Variants in ACSM1 observed in about 807,000 individuals in gnomAD.
ACSM1 encodes the protein acyl-CoA synthetase medium chain family member 1.
ACSM1 carries 79 observed loss-of-function variants against 75.8 expected under a neutral mutation model. That is an observed-to-expected ratio of 1.04 (90% CI 0.87 to 1.26). The LOEUF (loss-of-function observed/expected upper bound fraction) is 1.26, where lower values mean the gene tolerates loss of function less well. Ranked by LOEUF, ACSM1 falls within the 50% of genes most tolerant of loss-of-function variation. The probability of loss-of-function intolerance (pLI) is 0.00; values close to 1 mark genes in which losing one functional copy is unlikely to be tolerated. For synonymous variants in ACSM1, 279 were observed against 265.8 expected (o/e 1.05, Z -0.48); for missense variants, 676 against 720.1 (o/e 0.94, Z 0.70).
chr16:20,697,560 CA>C (rs2079696458), intron 1 of ACSM1, 75 bp downstream of exon 1: 3 of 9,920 alleles, frequency 3.0e-4, no homozygotes, highest in Non-Finnish European at 1.9e-3. Flanking sequence ...TTGGATTACA[CA>C]CACACACACA....
At chr16:20,692,704 CA>C in intron 1 of ACSM1, among the ~76,000 whole-genome samples, 1 of 152,218 alleles carries the variant, frequency 6.6e-6, no homozygotes, top group Admixed American at 6.5e-5. Flanking sequence ...CAAGGTATGG[CA>C]AGGAAATATA....
intron 3 of ACSM1, among the ~76,000 whole-genome samples, chr16:20,683,230 G>A (rs976849718): frequency 3.3e-5 from 5 of 151,882 alleles, no homozygotes; most frequent in Non-Finnish European, 7.4e-5. Context: ...CAATTGTCCT[G>A]TCTCAGCCTC....
At chr16:20,630,231 G>A (rs970942371) in intron 10 of ACSM1, among the ~76,000 whole-genome samples, 18 of 151,342 alleles carry the variant, frequency 1.2e-4, no homozygotes, top group African/African-American at 4.1e-4. Context: ...GATTACAGGC[G>A]CATACCACCG....
At chr16:20,688,162 T>A (rs2079587847) in intron 2 of ACSM1, among the ~76,000 whole-genome samples, 1 of 151,494 alleles carries the variant, frequency 6.6e-6, no homozygotes, top group African/African-American at 2.4e-5. Context: ...GTAACTAAAT[T>A]GAAAATTCAC....
chr16:20,645,693 A>G (rs1241426151), intron 7 of ACSM1, among the ~76,000 whole-genome samples: 1 of 152,218 alleles, frequency 6.6e-6, no homozygotes, highest in African/African-American at 2.4e-5. Flanking sequence ...AAAGAGAACA[A>G]TTCCCCACAG....
At chr16:20,642,944 C>T (rs1343114574) in intron 7 of ACSM1, among the ~76,000 whole-genome samples, 1 of 152,304 alleles carries the variant, frequency 6.6e-6, no homozygotes, top group East Asian at 1.9e-4. Context: ...AGGTATTCTC[C>T]ATGACCCTAT....
intron 7 of ACSM1, among the ~76,000 whole-genome samples, chr16:20,641,926 CA>C (rs2018086163): frequency 6.6e-6 from 1 of 152,184 alleles, no homozygotes. Flanking sequence ...AACAATGGGA[CA>C]AAGTGAAAGC....
At chr16:20,672,448 CAA>C (rs528742963) in intron 4 of ACSM1, among the ~76,000 whole-genome samples, 30 of 21,920 alleles carry the variant, frequency 1.4e-3, no homozygotes, top group South Asian at 2.8e-3. Flanking sequence ...AACTCCATCT[CAA>C]AAAAAAAAAA....
At chr16:20,627,165 C>G (rs573459627) in intron 11 of ACSM1, 24 bp downstream of exon 11, 3 of 1,504,200 alleles carry the variant, frequency 2.0e-6, no homozygotes, top group Non-Finnish European at 1.8e-6. Flanking sequence ...CAACAACAGC[C>G]AGCCCAGCAT....
Position 20,624,054 on chromosome 16 carries a change from C to T in ACSM1, c.1647+42G>A, listed in dbSNP as rs376257779. ...ATACCTAGCCCGTCCTAGCAGGGAA[C>T]GCTTCAGGGCCACCAGATCCCTTCC... On this transcript the variant is annotated intron_variant, in intron 13 of 13. Coordinates refer to ENST00000520010, the MANE Select transcript of ACSM1 (RefSeq NM_001318890.3). 44 of 1,603,636 alleles carry T rather than the reference C, an allele frequency of 2.7e-5. 1 individual carries two copies. In the South Asian group the frequency reaches 3.0e-4, roughly 11 times the overall value.
chr16:20,660,881 T>TA (rs1295092295), intron 7 of ACSM1, among the ~76,000 whole-genome samples: 1 of 152,180 alleles, frequency 6.6e-6, no homozygotes, highest in Non-Finnish European at 1.5e-5. Flanking sequence ...TGTATTAAGA[T>TA]AACACCACAC....
chr16:20,684,259 T>A (rs1423820708), intron 3 of ACSM1, among the ~76,000 whole-genome samples: 1 of 152,206 alleles, frequency 6.6e-6, no homozygotes, highest in African/African-American at 2.4e-5. Context: ...GAATCATCAC[T>A]AGGTACTCAA....
chr16:20,685,818 T>TA (rs2079538530), intron 2 of ACSM1, among the ~76,000 whole-genome samples: 2 of 37,284 alleles, frequency 5.4e-5, no homozygotes, highest in East Asian at 3.6e-4. Flanking sequence ...AGACTCCGTC[T>TA]CAAAAAAAAA....
rs753653939 is a variant in ACSM1 at position 20,669,925 on chromosome 16, T to C, written c.814A>G (p.Ile272Val). ...ACCAGGGTCCAAATGGTAGCCACAA[T>C]CCATCCTGAGTCCGACAGGCACCAG... is the stretch of plus-strand genomic sequence containing the variant. The part of the protein sequence containing the change: ...VSWCLSDSGW[I>V]VATIWTLVEP... The change falls in exon 6 of 14, where the codon ATT (isoleucine) becomes GTT (valine). Residue 272 changes from isoleucine (I) to valine (V), a missense_variant. Transcript: ENST00000520010. The C allele has an allele frequency of 7.4e-6, 12 of 1,613,880 alleles. No individual in the cohort carries two copies. In the South Asian group the frequency reaches 1.1e-4, roughly 15 times the overall value.
At chr16:20,684,544 A>G (rs1466643605) in intron 3 of ACSM1, among the ~76,000 whole-genome samples, 1 of 152,220 alleles carries the variant, frequency 6.6e-6, no homozygotes, top group Non-Finnish European at 1.5e-5. Context: ...TATAATCACA[A>G]AGAAAGAGTC....
At chr16:20,662,428 A>G (rs1462291525) in intron 6 of ACSM1, among the ~76,000 whole-genome samples, 1 of 152,176 alleles carries the variant, frequency 6.6e-6, no homozygotes, top group Admixed American at 6.5e-5. Context: ...AAATTTAGGA[A>G]GATAAGGTAA....
Position 20,624,161 on chromosome 16 carries a change from G to A in ACSM1, c.1582C>T (p.Gln528Ter). The A allele has an allele frequency of 4.3e-6, 7 of 1,613,378 alleles. No individual in the cohort carries two copies. The highest frequency in any genetic ancestry group is 5.1e-6 in the Non-Finnish European group (6 of 1,179,486). Reference protein sequence around the residue: ...TPQFLSHDKDQLTKELQQHVK... With the variant: ...TPQFLSHDKD ...TGCTGCTGCAGTTCCTTGGTCAGCTGATCCTTGTCATGGGACAGGAACTGT... is the reference window on the plus strand; with the variant it reads ...TGCTGCTGCAGTTCCTTGGTCAGCTAATCCTTGTCATGGGACAGGAACTGT... The change falls in exon 13 of 14, where the codon CAG (glutamine) becomes TAG (stop). Residue 528 changes from glutamine to a stop codon, truncating the protein, a stop_gained. Coordinates refer to ENST00000520010, the MANE Select transcript of ACSM1 (RefSeq NM_001318890.3). LOFTEE classifies it high-confidence loss of function.
chr16:20,641,045 G>A (rs1313206683), intron 7 of ACSM1, among the ~76,000 whole-genome samples: 2 of 152,150 alleles, frequency 1.3e-5, no homozygotes, highest in Non-Finnish European at 2.9e-5. Context: ...TTCTGAATGG[G>A]GAATGCATGT....
chr16:20,643,123 G>A (rs925550267), intron 7 of ACSM1, among the ~76,000 whole-genome samples: 3 of 152,220 alleles, frequency 2.0e-5, no homozygotes, highest in Non-Finnish European at 2.9e-5. Context: ...TACAGGAAAA[G>A]TGGAAGCTGG....
Sources: gnomAD v4.1 joint callset for allele counts (sites outside exome capture counted in the v4.1 genomes callset) on GRCh38, gnomAD v4.1.1 for gene constraint, MANE v1.5 for transcripts, NCBI Gene and HGNC (gene_info 2026-07-23, HGNC 2026-07-21) for gene names.